Variants in ATP1A4 observed in about 807,000 individuals in gnomAD.
ATP1A4 encodes ATPase Na+/K+ transporting subunit alpha 4.
A neutral mutation model predicts 114.3 loss-of-function variants in ATP1A4; 90 were observed. The observed-to-expected ratio is 0.79, with a 90% CI of 0.66 to 0.94. ATP1A4 has a LOEUF of 0.94. Among genes scored for constraint, ATP1A4 ranks in the 40% least tolerant of loss-of-function variants. The pLI is 0.00. For synonymous variants in ATP1A4, 511 were observed against 494.1 expected (o/e 1.03, Z -0.45); for missense variants, 1,222 against 1,313.6 (o/e 0.93, Z 1.08).
chr1:160,154,570 G>A (rs1266152746), intron 2 of ATP1A4, among the ~76,000 whole-genome samples: 2 of 151,922 alleles, frequency 1.3e-5, no homozygotes, highest in South Asian at 2.1e-4. Flanking sequence ...ATTAACTATA[G>A]TTGCCCTATT....
intron 19 of ATP1A4, 29 bp from the exon 20 acceptor site, chr1:160,181,901 C>G: frequency 6.2e-7 from 1 of 1,613,716 alleles, no homozygotes; most frequent in African/African-American, 1.3e-5. Flanking sequence ...TTCTCCCTCC[C>G]CGCCACACCC....
chr1:160,172,918 G>A (rs1422854216), intron 12 of ATP1A4, among the ~76,000 whole-genome samples: 1 of 152,200 alleles, frequency 6.6e-6, no homozygotes, highest in Non-Finnish European at 1.5e-5. Flanking sequence ...CATTGTGCTA[G>A]GGCAGGAAAC....
intron 1 of ATP1A4, among the ~76,000 whole-genome samples, chr1:160,152,507 G>T (rs1308732176): frequency 6.6e-6 from 1 of 152,146 alleles, no homozygotes; most frequent in Non-Finnish European, 1.5e-5. Flanking sequence ...CTGCTGCCTG[G>T]CAGGATATCG....
At chr1:160,179,098 C>T (rs968003515) in intron 18 of ATP1A4, among the ~76,000 whole-genome samples, 20 of 152,340 alleles carry the variant, frequency 1.3e-4, no homozygotes, top group African/African-American at 4.3e-4. Flanking sequence ...TTTCCCACTT[C>T]ACCACGATGT....
intron 1 of ATP1A4, 62 bp from the exon 2 acceptor site, chr1:160,153,103 C>G: frequency 1.5e-6 from 2 of 1,336,626 alleles, no homozygotes; most frequent in Non-Finnish European, 2.2e-6. Flanking sequence ...CTGTTTCTCC[C>G]CCTCTCCCTG....
chr1:160,186,642 A>G, intron 21 of ATP1A4, 29 bp from the exon 22 acceptor site: 1 of 1,606,198 alleles, frequency 6.2e-7, no homozygotes, highest in Non-Finnish European at 8.5e-7. Flanking sequence ...TCCTTCTCCC[A>G]GTTCACGCTG....
Position 160,186,547 on chromosome 1 carries a change from C to T in ATP1A4, c.3062-124C>T, listed in dbSNP as rs555526321. ...GGCTGCACCCCTCTGCTCCATCTGA[C>T]CCTCAGTGCCCTGTGTTCCAGACCT... On this transcript the variant is annotated intron_variant, in intron 21 of 21. Transcript: ENST00000368081. 5.2e-4 allele frequency: 611 copies of T among 1,184,818 alleles called. 3 individuals carry two copies. Among genetic ancestry groups the T allele is most frequent in the Non-Finnish European group, 2.5e-4 (204 of 816,360 alleles). The allele number at this position is 1,184,818 out of a possible 1,614,324, so 73.4% of individuals were successfully genotyped here.
At chr1:160,170,758 A>AT (rs1374370357) in intron 10 of ATP1A4, 1 of 143,830 alleles carries the variant, frequency 7.0e-6, no homozygotes, top group Non-Finnish European at 1.5e-5. Context: ...TAATTTTTGT[A>AT]TTTTTAGTAG....
At chr1:160,180,754 G>A (rs1460110687) in intron 18 of ATP1A4, among the ~76,000 whole-genome samples, 7 of 114,224 alleles carry the variant, frequency 6.1e-5, no homozygotes, top group Non-Finnish European at 8.2e-5. Flanking sequence ...TCGCTCTGTC[G>A]CCCAGGCTGG....
chr1:160,161,866 A>T (rs1296868776), intron 6 of ATP1A4, among the ~76,000 whole-genome samples: 51 of 152,220 alleles, frequency 3.4e-4, no homozygotes, highest in Admixed American at 3.1e-3. Context: ...TAGAAAACGG[A>T]GACCACCACG....
In ATP1A4 at chr1:160,159,156, T is replaced by C; in HGVS notation, c.660+20T>C. On this transcript the variant is annotated intron_variant, in intron 5 of 21. Coordinates refer to ENST00000368081, the MANE Select transcript of ATP1A4 (RefSeq NM_144699.4). ...TGTAAGGTGAGGGGATGCCGAAAGC[T>C]ATGTGAGGGACCCAAGCGTGATCTC... 1 of 1,611,546 alleles carries C rather than the reference T, an allele frequency of 6.2e-7. No individual in the cohort carries two copies. Among genetic ancestry groups the C allele is most frequent in the Non-Finnish European group, 8.5e-7 (1 of 1,178,480 alleles).
At position 160,151,874 on chromosome 1, in the gene ATP1A4, C is replaced by T. The variant is rs2102006677; in HGVS notation, c.-167C>T. 1.4e-6 allele frequency: 1 copy of T among 708,436 alleles called. No individual in the cohort carries two copies. The highest frequency in any genetic ancestry group is 2.2e-6 in the Non-Finnish European group (1 of 445,914). The allele number at this position is 708,436 out of a possible 1,614,324, so 43.9% of individuals were successfully genotyped here. Reference sequence around the variant, plus strand: ...CTTCCCTTCCTCTCTCTCACCTTCACCACCCAACACCTCCCTCCCTGCCTC... The same window carrying T: ...CTTCCCTTCCTCTCTCTCACCTTCATCACCCAACACCTCCCTCCCTGCCTC... On this transcript the variant is annotated 5_prime_UTR_variant, in exon 1 of 22. Coordinates refer to ENST00000368081, the MANE Select transcript of ATP1A4 (RefSeq NM_144699.4).
intron 18 of ATP1A4, among the ~76,000 whole-genome samples, chr1:160,178,635 A>G (rs1653571780): frequency 6.6e-6 from 1 of 152,074 alleles, no homozygotes; most frequent in Admixed American, 6.6e-5. Flanking sequence ...AGATTGCACC[A>G]CTGTACTCCA....
At position 160,164,266 on chromosome 1, in the gene ATP1A4, G is replaced by T. The variant is rs17368402; in HGVS notation, c.889G>T (p.Glu297Ter). ...CCAGACACCTATCGCTGCTGAGATC[G>T]AACACTTCATCCATCTGATCACTGT... Reference protein sequence around the residue: ...VGQTPIAAEIEHFIHLITVVA... With the variant: ...VGQTPIAAEI Residue 297 changes from glutamate (E) to a stop codon, truncating the protein, a stop_gained, in exon 7 of 22, where the codon GAA becomes TAA. Coordinates refer to ENST00000368081, the MANE Select transcript of ATP1A4 (RefSeq NM_144699.4). LOFTEE classifies it high-confidence loss of function. 4 of 1,613,994 alleles carry T rather than the reference G, an allele frequency of 2.5e-6. No homozygotes were observed.
chr1:160,152,201 A>C lies in ATP1A4; in HGVS notation c.147+14A>C. The stretch of plus-strand genomic sequence containing the variant: ...GAAGTGGTCATGGTGAGGCCACCCA[A>C]AGTGGGCGCTGACAGCTGCCCTCTG... On this transcript the variant is annotated intron_variant, in intron 1 of 21. Transcript: ENST00000368081. 3 of 1,611,188 alleles carry C rather than the reference A, an allele frequency of 1.9e-6. No homozygotes were observed. The highest frequency in any genetic ancestry group is 2.5e-6 in the Non-Finnish European group (3 of 1,179,212).
intron 6 of ATP1A4, among the ~76,000 whole-genome samples, chr1:160,161,570 G>A (rs979628820): frequency 1.6e-4 from 25 of 152,166 alleles, no homozygotes; most frequent in South Asian, 6.2e-4. Context: ...TAAAATAGAA[G>A]AACTAGACTA....
chr1:160,186,450 C>A (rs1052508033), intron 21 of ATP1A4, 83 bp downstream of exon 21: 3 of 1,197,932 alleles, frequency 2.5e-6, no homozygotes, highest in Admixed American at 1.8e-5. Flanking sequence ...TCCCTCCAGA[C>A]CCACCACTGA....
At position 160,173,605 on chromosome 1, in the gene ATP1A4, C is replaced by T; in HGVS notation, c.1879C>T (p.Pro627Ser). ...IKVIMVTGDH[P>S]ITAKAIAKGV... The stretch of plus-strand genomic sequence containing the variant: ...GGTGATCATGGTAACAGGAGATCAT[C>T]CCATTACAGCTAAGGCCATTGCCAA... Residue 627 changes from proline to serine, a missense_variant, in exon 13 of 22, where the codon CCC becomes TCC. Transcript: ENST00000368081. The T allele has an allele frequency of 1.9e-6, 3 of 1,614,194 alleles. No homozygotes were observed. The highest frequency in any genetic ancestry group is 2.5e-6 in the Non-Finnish European group (3 of 1,180,030).
rs192384552 is a variant in ATP1A4, at chr1:160,168,032, C to T, written c.1491+620C>T. 1.6e-3 allele frequency among the ~76,000 whole-genome samples: 244 copies of T among 152,224 alleles called. 1 individual carries two copies. The highest frequency in any genetic ancestry group is 5.6e-3 in the African/African-American group (234 of 41,524). ...TTAACTAATTACGTGTGTTCGTGTT[C>T]GTGAAGTTTTTCATTTCCCAGGAAC... On this transcript the variant is annotated intron_variant, in intron 10 of 21. Coordinates refer to ENST00000368081, the MANE Select transcript of ATP1A4 (RefSeq NM_144699.4).
Sources: allele counts gnomAD v4.1 joint callset (sites outside exome capture counted in the v4.1 genomes callset), GRCh38; gene constraint gnomAD v4.1.1; transcripts MANE v1.5; gene names NCBI Gene and HGNC (gene_info 2026-07-23, HGNC 2026-07-21).